Variants in PITPNM3 observed in about 807,000 individuals in gnomAD.
PITPNM3 encodes the protein PITPNM family member 3, also known as membrane-associated phosphatidylinositol transfer protein 3.
A neutral mutation model predicts 102.0 loss-of-function variants in PITPNM3; 26 were observed. The observed-to-expected ratio is 0.25, with a 90% confidence interval of 0.19 to 0.35. The LOEUF (loss-of-function observed/expected upper bound fraction) is 0.35, where lower values mean the gene tolerates loss of function less well. PITPNM3 is among the 10% of genes least tolerant of loss of function. The pLI, the probability that PITPNM3 is intolerant of heterozygous loss-of-function variation, is 1.00. For synonymous variants in PITPNM3, 578 were observed against 558.6 expected (o/e 1.03, Z -0.49); for missense variants, 1,083 against 1,346.1 (o/e 0.80, Z 3.06).
chr17:6,452,773 C>T lies in PITPNM3; in HGVS notation c.*2565G>A, dbSNP rs998248358. On this transcript the variant is annotated 3_prime_UTR_variant, in exon 20 of 20. Coordinates refer to ENST00000262483, the MANE Select transcript of PITPNM3 (RefSeq NM_031220.4). Reference sequence around the variant, plus strand: ...CACCATCAGCATCTTGTGTGTGCATCATCAGCCAAAGCCCCGATCCTCCTA... The same window carrying T: ...CACCATCAGCATCTTGTGTGTGCATTATCAGCCAAAGCCCCGATCCTCCTA... The T allele has an allele frequency of 1.3e-5, 2 of 152,230 alleles. No homozygotes were observed. The highest frequency in any genetic ancestry group is 2.9e-5 in the Non-Finnish European group (2 of 68,056). The allele number at this position is 152,230 out of a possible 1,614,324, so 9.4% of individuals were successfully genotyped here. A position where few individuals can be genotyped will look rare whatever the true frequency, so the allele number is the denominator to read the frequency against.
rs2150722702 is a variant in PITPNM3, at chr17:6,469,019, C to G, written c.1774-678G>C. ...CCCCGGTGACTCCCACCCCGCCTATCTCAGGGGTCCTCTCCCTACACTCTC... is the reference window on the plus strand; with the variant it reads ...CCCCGGTGACTCCCACCCCGCCTATGTCAGGGGTCCTCTCCCTACACTCTC... On this transcript the variant is annotated intron_variant, in intron 13 of 19. Transcript: ENST00000262483. The surrounding 1 kb of genome is among the most constrained non-coding windows in gnomAD (Gnocchi z 4.0). 6.6e-6 allele frequency among the ~76,000 whole-genome samples: 1 copy of G among 152,166 alleles called. No homozygotes were observed. Among genetic ancestry groups the G allele is most frequent in the Middle Eastern group, 3.4e-3 (1 of 294 alleles).
intron 14 of PITPNM3, among the ~76,000 whole-genome samples, chr17:6,467,905 A>T (rs192805984): frequency 6.6e-6 from 1 of 151,952 alleles, no homozygotes; most frequent in African/African-American, 2.4e-5. Flanking sequence ...GAGATCCAGG[A>T]CTCTTTCTGA....
intron 4 of PITPNM3, among the ~76,000 whole-genome samples, chr17:6,487,192 A>G (rs1046173341): frequency 6.6e-6 from 1 of 152,110 alleles, no homozygotes; most frequent in Non-Finnish European, 1.5e-5. Flanking sequence ...CGGACCCTGG[A>G]TCCAGAACGC....
In PITPNM3 at chr17:6,477,117, C is replaced by T; in HGVS notation, c.997G>A (p.Glu333Lys). ...TTCCGCGGCAACGGCCTCTTGGGCT[C>T]CTCATCCTCCAACCCACTGGAGATG... ...IDISSGLEDE[E>K]PKRPLPRKQS... Residue 333 changes from glutamate (E) to lysine (K), a missense_variant, in exon 9 of 20, where the codon GAG becomes AAG. By Grantham distance (56) the Glu-to-Lys change is moderately conservative. Coordinates refer to ENST00000262483, the MANE Select transcript of PITPNM3 (RefSeq NM_031220.4). 2 of 1,614,208 alleles carry T rather than the reference C, an allele frequency of 1.2e-6. No homozygotes were observed. Among genetic ancestry groups the T allele is most frequent in the Non-Finnish European group, 1.7e-6 (2 of 1,180,038 alleles).
chr17:6,523,209 T>C (rs1011714742), intron 3 of PITPNM3, among the ~76,000 whole-genome samples: 3 of 152,192 alleles, frequency 2.0e-5, no homozygotes, highest in Non-Finnish European at 2.9e-5. Context: ...TGTGCAACAT[T>C]GGTCATGCTT....
Position 6,471,186 on chromosome 17 carries a change from G to A in PITPNM3, c.1599C>T (p.Ser533=), listed in dbSNP as rs548758338. ...TGCGGGAGGCACCCACGGGTGCCAT[G>A]CTGTCCGAGGACTCCGAGCTCTCGC... ...SHSESSESSD[S]MAPVGASRIT... The change falls in exon 12 of 20, where the codon AGC becomes AGT. Residue 533 remains serine (S), a synonymous_variant. Coordinates refer to ENST00000262483, the MANE Select transcript of PITPNM3 (RefSeq NM_031220.4). 4.1e-5 allele frequency: 66 copies of A among 1,612,882 alleles called. 1 individual carries two copies. The South Asian group carries it at 6.9e-4, about 17-fold the overall frequency.
rs1361113926 is a variant in PITPNM3 at position 6,472,863 on chromosome 17, C to G, written c.1259-36G>C. ...TGGGAAGACAGAGGGAAGCCACTTT[C>G]TAGTACCTGCTCCCTGGGCCCTAGG... On this transcript the variant is annotated intron_variant, in intron 10 of 19. Coordinates refer to ENST00000262483, the MANE Select transcript of PITPNM3 (RefSeq NM_031220.4). The surrounding 1 kb of genome is among the most constrained non-coding windows in gnomAD (Gnocchi z 4.1). 6.2e-7 allele frequency: 1 copy of G among 1,610,352 alleles called. No individual in the cohort carries two copies. Among genetic ancestry groups the G allele is most frequent in the African/African-American group, 1.3e-5 (1 of 74,846 alleles).
intron 1 of PITPNM3, among the ~76,000 whole-genome samples, chr17:6,546,968 T>C (rs554369523): frequency 4.6e-5 from 7 of 151,986 alleles, no homozygotes; most frequent in Non-Finnish European, 8.8e-5. Flanking sequence ...GATCGTGCCA[T>C]TGCACTCCAG....
intron 4 of PITPNM3, among the ~76,000 whole-genome samples, chr17:6,488,586 C>A (rs965682973): frequency 7.9e-5 from 12 of 152,282 alleles, no homozygotes; most frequent in African/African-American, 2.6e-4. Context: ...ATTAAACCCC[C>A]AGGAGAAATC....
rs1910002824 is a variant in PITPNM3, at chr17:6,545,997, C to T, written c.23-7915G>A. On this transcript the variant is annotated intron_variant, in intron 1 of 19. Transcript: ENST00000262483. ...AAGGCCCCCTCTCAGGGGAGCATCC[C>T]CGAGGGAATGTCCTCAGGCTTCCTC... is the stretch of plus-strand genomic sequence containing the variant. Among the ~76,000 whole-genome samples the T allele has an allele frequency of 2.0e-5, 3 of 152,306 alleles. No homozygotes were observed. In the South Asian group the frequency reaches 6.2e-4, roughly 32 times the overall value.
Position 6,478,619 on chromosome 17 carries a change from G to A in PITPNM3, c.705C>T (p.Thr235=), listed in dbSNP as rs938288. 937,472 of 1,613,450 alleles carry A rather than the reference G, an allele frequency of 0.58. 281,443 individuals carry two copies. The highest frequency in any genetic ancestry group is 0.63 in the Non-Finnish European group (738,660 of 1,179,712). The part of the protein sequence containing the change: ...SSPQYQDAVA[T]VIERANQVYR... The stretch of plus-strand genomic sequence containing the variant: ...AGACCTGGTTGGCTCGCTCGATGAC[G>A]GTGGCGACAGCATCCTGGTACTGCG... The change falls in exon 7 of 20, where the codon ACC becomes ACT. Residue 235 remains threonine (T), a synonymous_variant. Transcript: ENST00000262483. The surrounding 1 kb of genome is among the most constrained non-coding windows in gnomAD (Gnocchi z 4.4).
chr17:6,524,931 A>G (rs1473632108), intron 3 of PITPNM3, among the ~76,000 whole-genome samples: 1 of 152,118 alleles, frequency 6.6e-6, no homozygotes, highest in African/African-American at 2.4e-5. Flanking sequence ...CAACTCCACC[A>G]AAGGAAATCC....
chr17:6,524,543 G>A (rs1249633935), intron 3 of PITPNM3, among the ~76,000 whole-genome samples: 2 of 152,126 alleles, frequency 1.3e-5, no homozygotes, highest in African/African-American at 2.4e-5. Flanking sequence ...CACGTTGTCC[G>A]TTTGAATTTT....
intron 3 of PITPNM3, 138 bp from the exon 4 acceptor site, chr17:6,503,712 A>C: frequency 1.1e-6 from 1 of 871,480 alleles, no homozygotes; most frequent in South Asian, 1.4e-5. Flanking sequence ...CTACCACTTC[A>C]TGCCCTGCTC....
At chr17:6,554,025 G>C (rs1910462521) in intron 1 of PITPNM3, among the ~76,000 whole-genome samples, 1 of 152,114 alleles carries the variant, frequency 6.6e-6, no homozygotes, top group African/African-American at 2.4e-5. Context: ...TGAGCATCAA[G>C]AAGAGAAGGG....
chr17:6,455,667 G>C, intron 19 of PITPNM3, 24 bp from the exon 20 acceptor site: 1 of 1,533,754 alleles, frequency 6.5e-7, no homozygotes, highest in South Asian at 1.1e-5. Context: ...GGGAGGGCAG[G>C]GGAGGGCAGG....
Position 6,474,311 on chromosome 17 carries a change from A to G in PITPNM3, c.1258+121T>C, listed in dbSNP as rs1905195457. On this transcript the variant is annotated intron_variant, in intron 10 of 19. Transcript: ENST00000262483. ...CACCCTCTCTCCTCTCTTTCCACCT[A>G]TCCCAACTCTGTGACCCTCCCTGCC... The G allele has an allele frequency of 4.4e-6, 6 of 1,349,634 alleles. No individual in the cohort carries two copies. The South Asian group carries it at 7.5e-5, about 17-fold the overall frequency. The allele number at this position is 1,349,634 out of a possible 1,614,324, so 83.6% of individuals were successfully genotyped here.
intron 1 of PITPNM3, among the ~76,000 whole-genome samples, chr17:6,547,504 C>T (rs537640321): frequency 3.3e-5 from 5 of 152,234 alleles, no homozygotes; most frequent in South Asian, 4.2e-4. Flanking sequence ...CCCTCTAAAA[C>T]GAGTTCCCCG....
At chr17:6,483,892 G>T in intron 5 of PITPNM3, 140 bp from the exon 6 acceptor site, 1 of 806,288 alleles carries the variant, frequency 1.2e-6, no homozygotes, top group Non-Finnish European at 2.1e-6. Context: ...AGAGAAGCAG[G>T]CACTATGTCC....
Sources: gnomAD v4.1 joint callset for allele counts (sites outside exome capture counted in the v4.1 genomes callset) on GRCh38, gnomAD v4.1.1 for gene constraint, Gnocchi (gnomAD v3.1) non-coding constraint, MANE v1.5 for transcripts, NCBI Gene and HGNC (gene_info 2026-07-23, HGNC 2026-07-21) for gene names.